The following GPATCH8 variants were observed in gnomAD, a reference collection of about 807,000 sequenced individuals.
GPATCH8 encodes G-patch domain containing 8.
In GPATCH8, 18 loss-of-function variants were observed where a neutral mutation model predicts 118.3. The ratio of observed to expected loss-of-function variants is 0.15; its 90% confidence interval spans 0.11 to 0.23. The LOEUF (loss-of-function observed/expected upper bound fraction) is 0.23. Among genes scored for constraint, GPATCH8 ranks in the 10% least tolerant of loss-of-function variants. GPATCH8 has a pLI of 1.00. For missense variants in GPATCH8, 1,631 were observed against 1,873.8 expected (o/e 0.87, Z 2.39); for synonymous variants, 659 against 684.7 (o/e 0.96, Z 0.59).
At chr17:44,476,210 CTT>C (rs202142732) in intron 1 of GPATCH8, among the ~76,000 whole-genome samples, 2 of 146,150 alleles carry the variant, frequency 1.4e-5, no homozygotes, top group Non-Finnish European at 3.0e-5. Context: ...GCTGTTTTAC[CTT>C]TTTTTTTTTT....
chr17:44,432,089 C>T (rs983780035), intron 5 of GPATCH8, among the ~76,000 whole-genome samples: 1 of 139,584 alleles, frequency 7.2e-6, no homozygotes, highest in Admixed American at 7.3e-5. Context: ...CCTCTCCCAA[C>T]AAATCTTCAA....
At chr17:44,483,154 CAAA>C (rs1178488342) in intron 1 of GPATCH8, among the ~76,000 whole-genome samples, 1 of 846 alleles carries the variant, frequency 1.2e-3, no homozygotes, top group Non-Finnish European at 2.0e-3. Flanking sequence ...GACTCCGTCT[CAAA>C]AAAAAAAAAA....
chr17:44,493,071 T>TTTTTTTTTTA (rs1568071349), intron 1 of GPATCH8, among the ~76,000 whole-genome samples: 1 of 150,790 alleles, frequency 6.6e-6, no homozygotes, highest in African/African-American at 2.4e-5. Context: ...TTTTTTTTTT[T>TTTTTTTTTTA]AAGACAGAGT....
intron 4 of GPATCH8, among the ~76,000 whole-genome samples, chr17:44,435,955 G>C (rs2050495831): frequency 6.7e-6 from 1 of 148,336 alleles, no homozygotes; most frequent in Non-Finnish European, 1.5e-5. Flanking sequence ...CTTGAACCCG[G>C]GAGACGGAGG....
At position 44,400,925 on chromosome 17, in the gene GPATCH8, T is replaced by A. The variant is rs1394053974; in HGVS notation, c.1152A>T (p.Glu384Asp). The change falls in exon 8 of 8, where the codon GAA (glutamate) becomes GAT (aspartate). Residue 384 changes from glutamate to aspartate, a missense_variant. Physicochemically the swap from Glu to Asp is conservative, Grantham distance 45. Coordinates refer to ENST00000591680, the MANE Select transcript of GPATCH8 (RefSeq NM_001002909.4). ...ACTCAGGCTCTGTAGCCCCAGCTCC[T>A]TCTTCTCGTTTCATCCTTTTTAATT... ...LSKLKRMKRE[E>D]GAGATEPEYY... The A allele has an allele frequency of 6.8e-6, 11 of 1,614,056 alleles. No homozygotes were observed. The highest frequency in any genetic ancestry group is 8.5e-6 in the Non-Finnish European group (10 of 1,180,022).
intron 3 of GPATCH8, among the ~76,000 whole-genome samples, chr17:44,454,763 C>G (rs2051263342): frequency 6.6e-6 from 1 of 152,134 alleles, no homozygotes; most frequent in Non-Finnish European, 1.5e-5. Flanking sequence ...AACCTCTTAC[C>G]TTAGACTGCC....
rs1555622835 is a variant in GPATCH8 at position 44,406,506 on chromosome 17, G to GGGT, written c.493-458_493-456dup. 4.5e-3 allele frequency among the ~76,000 whole-genome samples: 309 copies of GGGT among 69,374 alleles called. 46 individuals carry two copies. Among genetic ancestry groups the GGGT allele is most frequent in the Middle Eastern group, 0.039 (3 of 76 alleles). 45.5% of individuals were successfully genotyped at this position (69,374 alleles called of 152,430 possible). A position where few individuals can be genotyped will look rare whatever the true frequency, so the allele number is the denominator to read the frequency against. ...AATGTACAGCTTACATGGGGGGGGGGGGTTATTTAAATTAGAACAAATAGA... is the reference window on the plus strand; with the variant it reads ...AATGTACAGCTTACATGGGGGGGGGGGGTGGTTATTTAAATTAGAACAAATAGA... On this transcript the variant is annotated intron_variant, in intron 6 of 7. Transcript: ENST00000591680.
chr17:44,475,835 G>A (rs1347274171), intron 1 of GPATCH8, among the ~76,000 whole-genome samples: 13 of 152,124 alleles, frequency 8.5e-5, no homozygotes, highest in African/African-American at 3.1e-4. Flanking sequence ...AGACCAGCCT[G>A]GGCAATACAG....
At chr17:44,468,124 C>G (rs1278827764) in intron 2 of GPATCH8, among the ~76,000 whole-genome samples, 1 of 151,784 alleles carries the variant, frequency 6.6e-6, no homozygotes, top group African/African-American at 2.4e-5. Flanking sequence ...CGCACCACCA[C>G]ATCCAGCCAA....
Position 44,400,284 on chromosome 17 carries a change from G to A in GPATCH8, c.1793C>T (p.Ser598Phe). 6.2e-7 allele frequency: 1 copy of A among 1,614,086 alleles called. No individual in the cohort carries two copies. Among genetic ancestry groups the A allele is most frequent in the Non-Finnish European group, 8.5e-7 (1 of 1,179,956 alleles). Reference protein sequence around the residue: ...GTEKPKDIGSSSKDHLQGLDP... With the variant: ...GTEKPKDIGSFSKDHLQGLDP... ...TAGGCCTTGGAGATGGTCCTTTGAG[G>A]AGCTTCCTATATCCTTTGGTTTTTC... Residue 598 changes from serine (S) to phenylalanine (F), a missense_variant, in exon 8 of 8, where the codon TCC becomes TTC. Ser to Phe is a radical substitution (Grantham distance 155). Around this residue, in one of 8 missense-constraint regions of GPATCH8, gnomAD observed 405 missense variants for 462.7 expected, o/e 0.88. Transcript: ENST00000591680.
intron 3 of GPATCH8, among the ~76,000 whole-genome samples, chr17:44,448,123 A>G (rs1315399090): frequency 6.6e-6 from 1 of 152,192 alleles, no homozygotes; most frequent in African/African-American, 2.4e-5. Flanking sequence ...TAAATTTGGC[A>G]TTTTTGAAAG....
Position 44,400,188 on chromosome 17 carries a change from A to G in GPATCH8, c.1889T>C (p.Met630Thr), listed in dbSNP as rs1033525227. The G allele has an allele frequency of 7.4e-6, 12 of 1,613,844 alleles. No individual in the cohort carries two copies. Among genetic ancestry groups the G allele is most frequent in the Admixed American group, 6.7e-5 (4 of 59,990 alleles). ...EKIVRSSGGR[M>T]DAPASGSACS... ...GGCAGACCCTGAAGCAGGTGCGTCC[A>G]TTCTGCCTCCTGAGGAACGTACTAT... Residue 630 changes from methionine (M) to threonine (T), a missense_variant, in exon 8 of 8, where the codon ATG becomes ACG. Physicochemically the swap from Met to Thr is moderately conservative, Grantham distance 81. Coordinates refer to ENST00000591680, the MANE Select transcript of GPATCH8 (RefSeq NM_001002909.4).
chr17:44,410,634 C>A (rs1445079312), intron 6 of GPATCH8, among the ~76,000 whole-genome samples: 2 of 152,132 alleles, frequency 1.3e-5, no homozygotes, highest in Non-Finnish European at 2.9e-5. Context: ...TTGGGAAATA[C>A]CTTAATTCAA....
chr17:44,407,975 A>G (rs187257434), intron 6 of GPATCH8, among the ~76,000 whole-genome samples: 63 of 152,148 alleles, frequency 4.1e-4, no homozygotes, highest in African/African-American at 1.4e-3. Flanking sequence ...AGATTTTTAT[A>G]AAACCACTTC....
In GPATCH8 at chr17:44,399,966, G is replaced by A. The variant is rs2048950015; in HGVS notation, c.2111C>T (p.Ser704Leu). ...CTTGCGCTTCTTAGATTTCTCCCCT[G>A]ACTCTGCCTTAGAGCTTTTCTCTTC... ...DTEEKSSKAE[S>L]GEKSKKRKKR... Residue 704 changes from serine (S) to leucine (L), a missense_variant, in exon 8 of 8, where the codon TCA (serine) becomes TTA (leucine). Physicochemically the swap from Ser to Leu is moderately radical, Grantham distance 145. Coordinates refer to ENST00000591680, the MANE Select transcript of GPATCH8 (RefSeq NM_001002909.4). The A allele has an allele frequency of 6.2e-7, 1 of 1,613,928 alleles. No homozygotes were observed. Among genetic ancestry groups the A allele is most frequent in the South Asian group, 1.1e-5 (1 of 91,052 alleles).
At chr17:44,495,739 A>G (rs1969621101) in intron 1 of GPATCH8, among the ~76,000 whole-genome samples, 1 of 152,242 alleles carries the variant, frequency 6.6e-6, no homozygotes, top group South Asian at 2.1e-4. Context: ...AAACCAATTA[A>G]ATTTTCAACC....
rs1231166904 is a variant in GPATCH8 at position 44,398,347 on chromosome 17, G to T, written c.3730C>A (p.Leu1244Ile). Residue 1244 changes from leucine (L) to isoleucine (I), a missense_variant, in exon 8 of 8, where the codon CTC (leucine) becomes ATC (isoleucine). This residue lies in a region of GPATCH8 where 922 missense variants were observed against 879.7 expected (regional missense o/e 1.05). Transcript: ENST00000591680. The stretch of plus-strand genomic sequence containing the variant: ...GTGTCCCCATCACTGGGGTCGGGGA[G>T]GTAGTTATGGGAGATGGTTGGGTCC... ...PGDPTISHNYLPDPSDGDTLE... is the reference protein window; with the variant it reads ...PGDPTISHNYIPDPSDGDTLE... 6.2e-7 allele frequency: 1 copy of T among 1,613,996 alleles called. No homozygotes were observed. Among genetic ancestry groups the T allele is most frequent in the African/African-American group, 1.3e-5 (1 of 74,912 alleles).
chr17:44,439,261 G>C (rs2050611880), intron 3 of GPATCH8, among the ~76,000 whole-genome samples: 1 of 152,150 alleles, frequency 6.6e-6, no homozygotes, highest in Non-Finnish European at 1.5e-5. Context: ...TTGTGCATTT[G>C]AATTCTGTTA....
At chr17:44,403,560 T>C (rs1190773063) in intron 7 of GPATCH8, among the ~76,000 whole-genome samples, 2 of 152,186 alleles carry the variant, frequency 1.3e-5, no homozygotes, top group African/African-American at 4.8e-5. Context: ...GCGTACACTA[T>C]ACCCTTAAAT....
Sources: gnomAD v4.1 joint callset for allele counts (sites outside exome capture counted in the v4.1 genomes callset) on GRCh38, gnomAD v4.1.1 for gene constraint, gnomAD v4.1.1 regional missense constraint, MANE v1.5 for transcripts, NCBI Gene and HGNC (gene_info 2026-07-23, HGNC 2026-07-21) for gene names.